NTRK2: variants seen among roughly 807,000 people sequenced by gnomAD.
NTRK2 encodes neurotrophic receptor tyrosine kinase 2.
NTRK2 carries 13 observed loss-of-function variants against 94.5 expected under a neutral mutation model. The ratio of observed to expected loss-of-function variants is 0.14; its 90% confidence interval spans 0.09 to 0.22. The LOEUF (loss-of-function observed/expected upper bound fraction) is 0.22. Ranked by LOEUF, NTRK2 falls within the 10% of genes least tolerant of loss-of-function variation. NTRK2 has a pLI of 1.00. For missense variants in NTRK2, 639 were observed against 1,071.2 expected, an observed-to-expected ratio of 0.60 and a Z score of 5.63; for synonymous variants, 372 against 407.4, an observed-to-expected ratio of 0.91 and a Z score of 1.05.
intron 14 of NTRK2, among the ~76,000 whole-genome samples, chr9:84,925,187 T>C (rs2132623130): frequency 6.7e-6 from 1 of 149,670 alleles, no homozygotes; most frequent in Non-Finnish European, 1.5e-5. Flanking sequence ...TCTGCCTTCT[T>C]CTCTTCTCTT....
chr9:84,736,328 A>C lies in NTRK2; in HGVS notation c.1160-5564A>C, dbSNP rs556714832. Among the ~76,000 whole-genome samples, 26 of 152,250 alleles carry C rather than the reference A, an allele frequency of 1.7e-4. No homozygotes were observed. The South Asian group carries it at 4.2e-3, about 24-fold the overall frequency. ...AAATGCGCGTCAGGAACAAACTATA[A>C]ATATTGGAAGAGCTTTTCCCACAGC... On this transcript the variant is annotated intron_variant, in intron 9 of 18. Coordinates refer to ENST00000277120, the MANE Select transcript of NTRK2 (RefSeq NM_006180.6).
chr9:85,025,462 C>G lies in NTRK2; in HGVS notation c.*4025C>G, dbSNP rs979331932. 1 of 233,122 alleles carries G rather than the reference C, an allele frequency of 4.3e-6. No individual in the cohort carries two copies. Among genetic ancestry groups the G allele is most frequent in the Non-Finnish European group, 8.5e-6 (1 of 118,038 alleles). The allele number at this position is 233,122 out of a possible 1,614,324, so 14.4% of individuals were successfully genotyped here. ...AGACCCCACAGCGAGATGAGCAACTCTTAGGAATTCCCACATCCTAGAGTG... is the reference window on the plus strand; with the variant it reads ...AGACCCCACAGCGAGATGAGCAACTGTTAGGAATTCCCACATCCTAGAGTG... On this transcript the variant is annotated 3_prime_UTR_variant, in exon 19 of 19. Coordinates refer to ENST00000277120, the MANE Select transcript of NTRK2 (RefSeq NM_006180.6).
At chr9:84,753,527 A>T (rs771216754) in intron 12 of NTRK2, among the ~76,000 whole-genome samples, 4 of 152,176 alleles carry the variant, frequency 2.6e-5, no homozygotes, top group Admixed American at 1.3e-4. Context: ...TACAATAAAC[A>T]TGGGCTGCCA....
chr9:84,698,935 C>T (rs1017530149), intron 2 of NTRK2, among the ~76,000 whole-genome samples: 1 of 152,066 alleles, frequency 6.6e-6, no homozygotes, highest in South Asian at 2.1e-4. Context: ...GGGTAGATTT[C>T]CTGAGCAGTT....
intron 13 of NTRK2, among the ~76,000 whole-genome samples, chr9:84,865,351 T>C (rs1297946416): frequency 6.6e-6 from 1 of 152,148 alleles, no homozygotes; most frequent in Non-Finnish European, 1.5e-5. Context: ...GCTTCAAAAA[T>C]TACCTATAAT....
At chr9:84,759,218 G>A (rs745736994) in intron 12 of NTRK2, among the ~76,000 whole-genome samples, 3 of 152,208 alleles carry the variant, frequency 2.0e-5, no homozygotes, top group Admixed American at 6.5e-5. Flanking sequence ...AGCTTTTCCC[G>A]TGTGTTTGTG....
At chr9:84,693,472 AT>A (rs552613963) in intron 2 of NTRK2, among the ~76,000 whole-genome samples, 19 of 152,084 alleles carry the variant, frequency 1.2e-4, no homozygotes, top group Non-Finnish European at 7.4e-5. Context: ...ACAGAGTGTA[AT>A]TTTTTTCTTT....
chr9:84,842,091 T>G (rs905560533), intron 12 of NTRK2, among the ~76,000 whole-genome samples: 3 of 152,230 alleles, frequency 2.0e-5, no homozygotes, highest in Non-Finnish European at 4.4e-5. Flanking sequence ...TGAATGACTC[T>G]GGAATCCCTG....
intron 2 of NTRK2, 100 bp downstream of exon 2, chr9:84,671,060 G>A: frequency 8.6e-7 from 1 of 1,160,174 alleles, no homozygotes; most frequent in Non-Finnish European, 1.2e-6. Flanking sequence ...CAAGAGTGGG[G>A]AGAAGTCAAA....
intron 13 of NTRK2, among the ~76,000 whole-genome samples, chr9:84,866,216 G>A (rs1194787136): frequency 1.3e-5 from 2 of 152,188 alleles, no homozygotes; most frequent in Non-Finnish European, 2.9e-5. Context: ...TATGAAGAAA[G>A]AGGAATGTAG....
intron 12 of NTRK2, among the ~76,000 whole-genome samples, chr9:84,830,685 A>C (rs989416902): frequency 6.6e-6 from 1 of 152,174 alleles, no homozygotes; most frequent in African/African-American, 2.4e-5. Flanking sequence ...TTTAATCTCC[A>C]AAGCTTTTCT....
chr9:84,993,433 C>T (rs1056549842), intron 17 of NTRK2, among the ~76,000 whole-genome samples: 1 of 152,196 alleles, frequency 6.6e-6, no homozygotes, highest in Non-Finnish European at 1.5e-5. Flanking sequence ...GAATGACCAT[C>T]ATCTGCCAAG....
rs535915783 is a variant in NTRK2, at chr9:84,763,040, A to G, written c.1396+10955A>G. On this transcript the variant is annotated intron_variant, in intron 12 of 18. Coordinates refer to ENST00000277120, the MANE Select transcript of NTRK2 (RefSeq NM_006180.6). ...TTCCTAACCAAGTTCTGCCACCTTC[A>G]TATGTGTCTCCGCAAGGGTGTCTTT... 2.6e-5 allele frequency among the ~76,000 whole-genome samples: 4 copies of G among 152,286 alleles called. No homozygotes were observed. In the South Asian group the frequency reaches 6.2e-4, roughly 24 times the overall value.
rs911017044 is a variant in NTRK2 at position 84,924,792 on chromosome 9, G to C, written c.1634-9370G>C. On this transcript the variant is annotated intron_variant, in intron 14 of 18. Transcript: ENST00000277120. ...TAAGCCTTTCTCCCTCCACTCCTAT[G>C]GACACTTGCTCTCATTTGGGGTATT... Among the ~76,000 whole-genome samples the C allele has an allele frequency of 4.6e-4, 70 of 152,084 alleles. 1 individual carries two copies. Among genetic ancestry groups the C allele is most frequent in the Non-Finnish European group, 3.1e-4 (21 of 68,020 alleles).
chr9:84,813,024 T>C, intron 12 of NTRK2: 1 of 1,036,478 alleles, frequency 9.6e-7, no homozygotes, highest in Non-Finnish European at 1.2e-6. Context: ...CCACCCCTTT[T>C]CATCATTTTG....
At chr9:84,754,498 T>G (rs1213930189) in intron 12 of NTRK2, among the ~76,000 whole-genome samples, 1 of 152,176 alleles carries the variant, frequency 6.6e-6, no homozygotes. Context: ...ACGTGGTATT[T>G]AAACATTAAT....
intron 17 of NTRK2, among the ~76,000 whole-genome samples, chr9:84,984,348 C>T (rs1828026303): frequency 6.6e-6 from 1 of 152,140 alleles, no homozygotes. Context: ...TGGTGCACGC[C>T]TGTAGTCCCA....
intron 1 of NTRK2, 95 bp from the exon 2 acceptor site, chr9:84,670,282 C>T (rs761454197): frequency 2.7e-5 from 7 of 261,948 alleles, no homozygotes; most frequent in Admixed American, 1.5e-4. Context: ...GGGCTGGGGT[C>T]GGGGTGGGGA....
intron 14 of NTRK2, among the ~76,000 whole-genome samples, chr9:84,897,515 T>C (rs151168853): frequency 5.6e-4 from 86 of 152,268 alleles, no homozygotes; most frequent in Admixed American, 1.4e-3. Flanking sequence ...TTTTATGCCA[T>C]AGTTCGGACT....
Sources: allele counts gnomAD v4.1 joint callset (sites outside exome capture counted in the v4.1 genomes callset), GRCh38; gene constraint gnomAD v4.1.1; transcripts MANE v1.5; gene names NCBI Gene and HGNC (gene_info 2026-07-23, HGNC 2026-07-21).